Variants in CAMKK1 observed in about 807,000 individuals in gnomAD.
CAMKK1 encodes the protein calcium/calmodulin dependent protein kinase kinase 1.
In CAMKK1, 20 loss-of-function variants were observed where a neutral mutation model predicts 63.5. That is an observed-to-expected ratio of 0.32 (90% CI 0.22 to 0.46). The LOEUF (loss-of-function observed/expected upper bound fraction) is 0.46. Among genes scored for constraint, CAMKK1 ranks in the 20% least tolerant of loss-of-function variants. The pLI is 1.00. For missense variants in CAMKK1, 588 were observed against 658.1 expected (o/e 0.89, Z 1.17); for synonymous variants, 253 against 269.0 (o/e 0.94, Z 0.58).
Position 3,883,142 on chromosome 17 carries a change from T to G in CAMKK1, c.548A>C (p.Gln183Pro), listed in dbSNP as rs961014801. The G allele has an allele frequency of 1.2e-6, 2 of 1,612,422 alleles. No homozygotes were observed. The highest frequency in any genetic ancestry group is 1.7e-5 in the Admixed American group (1 of 60,014). The part of the protein sequence containing the change: ...RPPPRGSQAA[Q>P]GGPAKQLLPL... ...CAGCAGCTGCTTGGCTGGTCCTCCC[T>G]GGGCAGCCTGGGACCCTCTCGGGGG... is the stretch of plus-strand genomic sequence containing the variant. Residue 183 changes from glutamine (Q) to proline (P), a missense_variant, in exon 6 of 16, where the codon CAG becomes CCG. Gln to Pro is a moderately conservative substitution (Grantham distance 76). Transcript: ENST00000348335. This position sits in a 1 kb window ranked among gnomAD's most constrained non-coding sequence, Gnocchi z 4.7.
chr17:3,882,708 G>T lies in CAMKK1; in HGVS notation c.649-144C>A. On this transcript the variant is annotated intron_variant, in intron 6 of 15. Coordinates refer to ENST00000348335, the MANE Select transcript of CAMKK1 (RefSeq NM_032294.3). The surrounding 1 kb of genome is among the most constrained non-coding windows in gnomAD (Gnocchi z 4.3). ...AGGAAGCAGGAAGTGTACAGGTGGT[G>T]CCAGACTGATGGGGCCTCAGAAGTC... 1.2e-6 allele frequency: 1 copy of T among 817,100 alleles called. No individual in the cohort carries two copies. The highest frequency in any genetic ancestry group is 2.0e-6 in the Non-Finnish European group (1 of 506,530). 50.6% of individuals were successfully genotyped at this position (817,100 alleles called of 1,614,324 possible).
Position 3,862,332 on chromosome 17 carries a change from A to G in CAMKK1, c.1446-49T>C. 7.3e-7 allele frequency: 1 copy of G among 1,362,252 alleles called. No individual in the cohort carries two copies. 84.4% of individuals were successfully genotyped at this position (1,362,252 alleles called of 1,614,324 possible). On this transcript the variant is annotated intron_variant, in intron 15 of 15. Transcript: ENST00000348335. The surrounding 1 kb of genome is among the most constrained non-coding windows in gnomAD (Gnocchi z 4.1). ...GAGGGACCTCAGGGTCAGAATATGC[A>G]CTCAGGGAGACACTCTCCCTCACAC... is the stretch of plus-strand genomic sequence containing the variant.
At chr17:3,863,599 T>A (rs1355994641) in intron 15 of CAMKK1, among the ~76,000 whole-genome samples, 2 of 152,022 alleles carry the variant, frequency 1.3e-5, no homozygotes, top group African/African-American at 4.8e-5. Context: ...GGAGGCTGGG[T>A]GTGGTGGCTC....
At chr17:3,865,519 G>A (rs776623554) in intron 15 of CAMKK1, 96 of 1,028,570 alleles carry the variant, frequency 9.3e-5, no homozygotes, top group South Asian at 2.0e-4. Flanking sequence ...ACATCAGCCT[G>A]TCTGCAAACC....
At chr17:3,874,490 G>C (rs753103437) in intron 10 of CAMKK1, among the ~76,000 whole-genome samples, 3 of 152,128 alleles carry the variant, frequency 2.0e-5, no homozygotes, top group Non-Finnish European at 4.4e-5. Context: ...TTCTGCCTCA[G>C]CCTCCCAAGT....
chr17:3,878,200 A>G (rs6502751), intron 9 of CAMKK1, among the ~76,000 whole-genome samples: 139,753 of 152,104 alleles, frequency 0.92, 64,301 homozygotes, highest in East Asian at 1. Context: ...GGCCTGGGCC[A>G]CCCTGACCAC....
chr17:3,888,809 C>T (rs2055772766), intron 1 of CAMKK1, among the ~76,000 whole-genome samples: 2 of 152,160 alleles, frequency 1.3e-5, no homozygotes, highest in South Asian at 2.1e-4. Flanking sequence ...GAGGTTCCTG[C>T]CGCGTGTCCG....
Position 3,884,251 on chromosome 17 carries a change from C to A in CAMKK1, c.408+129G>T. 2.0e-6 allele frequency: 2 copies of A among 1,023,954 alleles called. No individual in the cohort carries two copies. Among genetic ancestry groups the A allele is most frequent in the Non-Finnish European group, 3.0e-6 (2 of 669,306 alleles). 63.4% of individuals were successfully genotyped at this position (1,023,954 alleles called of 1,614,324 possible). A position where few individuals can be genotyped will look rare whatever the true frequency, so the allele number is the denominator to read the frequency against. On this transcript the variant is annotated intron_variant, in intron 3 of 15. Coordinates refer to ENST00000348335, the MANE Select transcript of CAMKK1 (RefSeq NM_032294.3). This position sits in a 1 kb window ranked among gnomAD's most constrained non-coding sequence, Gnocchi z 4.5. ...GTACCTGGGTACTTCCCACAGGGCACGAAACTGTCCTCACCTCCAGGCTAG... is the reference window on the plus strand; with the variant it reads ...GTACCTGGGTACTTCCCACAGGGCAAGAAACTGTCCTCACCTCCAGGCTAG...
chr17:3,880,766 T>TTAGTGGGTGGCAACTGC (rs1387506889), intron 8 of CAMKK1, among the ~76,000 whole-genome samples: 1 of 148,374 alleles, frequency 6.7e-6, no homozygotes, highest in Non-Finnish European at 1.5e-5. Context: ...TGAAATCAAT[T>TTAGTGGGTGGCAACTGC]TAGTGGGTGG....
At chr17:3,864,281 C>A (rs952043378) in intron 15 of CAMKK1, among the ~76,000 whole-genome samples, 8 of 151,666 alleles carry the variant, frequency 5.3e-5, no homozygotes, top group African/African-American at 1.9e-4. Flanking sequence ...GAGTCTCACT[C>A]TGTCGCCCAG....
intron 9 of CAMKK1, among the ~76,000 whole-genome samples, chr17:3,878,418 G>A (rs1173265318): frequency 1.3e-5 from 2 of 152,188 alleles, no homozygotes; most frequent in Non-Finnish European, 2.9e-5. Flanking sequence ...CTTTGTGGAG[G>A]CTAGGGGATA....
rs1246597507 is a variant in CAMKK1 at position 3,879,924 on chromosome 17, T to G, written c.796+422A>C. ...AAGCTCACATCACCCTCCTGAGCTC[T>G]TATCAGACTAGGGCCCCTCACAGGT... On this transcript the variant is annotated intron_variant, in intron 9 of 15. Coordinates refer to ENST00000348335, the MANE Select transcript of CAMKK1 (RefSeq NM_032294.3). The surrounding 1 kb of genome is among the most constrained non-coding windows in gnomAD (Gnocchi z 4.5). 5.3e-6 allele frequency: 1 copy of G among 187,742 alleles called. No homozygotes were observed. The highest frequency in any genetic ancestry group is 1.5e-4 in the East Asian group (1 of 6,802). 11.6% of individuals were successfully genotyped at this position (187,742 alleles called of 1,614,324 possible).
At position 3,883,620 on chromosome 17, in the gene CAMKK1, G is replaced by T; in HGVS notation, c.463-140C>A. The T allele has an allele frequency of 1.2e-6, 1 of 818,000 alleles. No homozygotes were observed. The highest frequency in any genetic ancestry group is 2.1e-6 in the Non-Finnish European group (1 of 475,244). 50.7% of individuals were successfully genotyped at this position (818,000 alleles called of 1,614,324 possible). A position where few individuals can be genotyped will look rare whatever the true frequency, so the allele number is the denominator to read the frequency against. On this transcript the variant is annotated intron_variant, in intron 4 of 15. Coordinates refer to ENST00000348335, the MANE Select transcript of CAMKK1 (RefSeq NM_032294.3). The surrounding 1 kb of genome is among the most constrained non-coding windows in gnomAD (Gnocchi z 4.7). ...AGGGTGTGGCCCAGGTAAGTGTTAA[G>T]CGGGGTTGGGGGTGGCCATATCTGA... is the stretch of plus-strand genomic sequence containing the variant.
Position 3,884,323 on chromosome 17 carries a change from G to A in CAMKK1, c.408+57C>T, listed in dbSNP as rs2143880136. 4 of 1,569,528 alleles carry A rather than the reference G, an allele frequency of 2.5e-6. No homozygotes were observed. Among genetic ancestry groups the A allele is most frequent in the Non-Finnish European group, 3.5e-6 (4 of 1,140,126 alleles). ...CGTTCCCTCCCACACGAGAGAAGGA[G>A]CAGCGCCAAACAGAGAATCCCGAAG... is the stretch of plus-strand genomic sequence containing the variant. On this transcript the variant is annotated intron_variant, in intron 3 of 15. Coordinates refer to ENST00000348335, the MANE Select transcript of CAMKK1 (RefSeq NM_032294.3). The surrounding 1 kb of genome is among the most constrained non-coding windows in gnomAD (Gnocchi z 4.5).
At chr17:3,866,922 T>A (rs1249426036) in intron 14 of CAMKK1, among the ~76,000 whole-genome samples, 2 of 152,186 alleles carry the variant, frequency 1.3e-5, no homozygotes, top group African/African-American at 4.8e-5. Context: ...GGCTTCAGCA[T>A]GTTGGCCAGG....
chr17:3,865,038 C>G lies in CAMKK1; in HGVS notation c.1445+870G>C, dbSNP rs183031123. 56 of 817,572 alleles carry G rather than the reference C, an allele frequency of 6.8e-5. No individual in the cohort carries two copies. In the East Asian group the frequency reaches 6.5e-3, roughly 95 times the overall value. The allele number at this position is 817,572 out of a possible 1,614,324, so 50.6% of individuals were successfully genotyped here. ...GCAAACAACTCCCACCAGCCCCTTCCCCAAAGCTTCCCTCCGGGGCCAGAG... is the reference window on the plus strand; with the variant it reads ...GCAAACAACTCCCACCAGCCCCTTCGCCAAAGCTTCCCTCCGGGGCCAGAG... On this transcript the variant is annotated intron_variant, in intron 15 of 15. Coordinates refer to ENST00000348335, the MANE Select transcript of CAMKK1 (RefSeq NM_032294.3).
At position 3,871,424 on chromosome 17, in the gene CAMKK1, A is replaced by G. The variant is rs529732682; in HGVS notation, c.1124+1130T>C. Among the ~76,000 whole-genome samples the G allele has an allele frequency of 1.1e-4, 15 of 130,940 alleles. No individual in the cohort carries two copies. The South Asian group carries it at 2.6e-3, about 22-fold the overall frequency. The allele number at this position is 130,940 out of a possible 152,430, so 85.9% of individuals were successfully genotyped here. On this transcript the variant is annotated intron_variant, in intron 12 of 15. Coordinates refer to ENST00000348335, the MANE Select transcript of CAMKK1 (RefSeq NM_032294.3). ...GGCTGGAGTGCAGTAGCACGGTCTCAGCTCACTGAAACCTCTGCCTCCCGG... is the reference window on the plus strand; with the variant it reads ...GGCTGGAGTGCAGTAGCACGGTCTCGGCTCACTGAAACCTCTGCCTCCCGG...
chr17:3,862,935 CCTGAGGGCCTT>C lies in CAMKK1; in HGVS notation c.1446-663_1446-653del, dbSNP rs1482374179. Among the ~76,000 whole-genome samples the C allele has an allele frequency of 6.6e-6, 1 of 152,174 alleles. No homozygotes were observed. Among genetic ancestry groups the C allele is most frequent in the Non-Finnish European group, 1.5e-5 (1 of 68,034 alleles). On this transcript the variant is annotated intron_variant, in intron 15 of 15. Coordinates refer to ENST00000348335, the MANE Select transcript of CAMKK1 (RefSeq NM_032294.3). The surrounding 1 kb of genome is among the most constrained non-coding windows in gnomAD (Gnocchi z 4.1). ...TGCAGGCGTGAGCCACCGTGCCCGGCCTGAGGGCCTTCTGTGTTGACCTCAGTCATCCCCCA... is the reference window on the plus strand; with the variant it reads ...TGCAGGCGTGAGCCACCGTGCCCGGCCTGTGTTGACCTCAGTCATCCCCCA...
intron 15 of CAMKK1, among the ~76,000 whole-genome samples, chr17:3,864,534 C>T (rs2054441104): frequency 6.6e-6 from 1 of 152,022 alleles, no homozygotes; most frequent in Non-Finnish European, 1.5e-5. Context: ...GCGTGAGCCA[C>T]CGCACCCGGC....
Sources: allele counts gnomAD v4.1 joint callset (sites outside exome capture counted in the v4.1 genomes callset), GRCh38; gene constraint gnomAD v4.1.1; non-coding constraint Gnocchi (gnomAD v3.1); transcripts MANE v1.5; gene names NCBI Gene and HGNC (gene_info 2026-07-23, HGNC 2026-07-21).